MTRR: variants seen among roughly 807,000 people sequenced by gnomAD.
MTRR encodes the protein methionine synthase reductase.
Under a neutral mutation model 79.2 loss-of-function variants are expected in MTRR, and 63 were observed. The observed-to-expected ratio is 0.80, with a 90% confidence interval of 0.65 to 0.98. The LOEUF is 0.98. Among genes scored for constraint, MTRR ranks in the 50% least tolerant of loss-of-function variants. The pLI, the probability that MTRR is intolerant of heterozygous loss-of-function variation, is 0.00. For synonymous variants in MTRR, 355 were observed against 313.3 expected, an observed-to-expected ratio of 1.13 and a Z score of -1.41; for missense variants, 895 against 839.6, an observed-to-expected ratio of 1.07 and a Z score of -0.82.
upstream of MTRR, chr5:7,865,982 ACCTGAAACAGAAAGCATCCCAGTCATAGT>A: frequency 6.2e-7 from 1 of 1,613,256 alleles, no homozygotes; most frequent in Non-Finnish European, 8.5e-7. Flanking sequence ...GAGATTCTTT[ACCTGAAACAGAAAGCATCCCAGTCATAGT>A]TACGTCTGAA....
chr5:7,874,062 C>G (rs1292368706), intron 3 of MTRR, among the ~76,000 whole-genome samples: 1 of 152,146 alleles, frequency 6.6e-6, no homozygotes. Context: ...GCCCTGGCAT[C>G]GTTATTTTTA....
intron 3 of MTRR, 114 bp downstream of exon 3, chr5:7,873,640 A>G (rs1748391452): frequency 8.4e-7 from 1 of 1,192,400 alleles, no homozygotes; most frequent in East Asian, 2.5e-5. Context: ...TTCTTATGTA[A>G]ATATTATGTA....
At position 7,869,465 on chromosome 5, in the gene MTRR, C is replaced by T. The variant is rs75888760; in HGVS notation, c.-26+250C>T. 0.082 allele frequency: 44,568 copies of T among 543,192 alleles called. 2,659 individuals are homozygous for T. The highest frequency in any genetic ancestry group is 0.2 in the East Asian group (6,330 of 32,420). The allele number at this position is 543,192 out of a possible 1,614,324, so 33.6% of individuals were successfully genotyped here. A position where few individuals can be genotyped will look rare whatever the true frequency, so the allele number is the denominator to read the frequency against. ...TCTGCCGCGGGAGGCCCCTGGGCGGCGTGGGGTCTCTCCTCATGTTCTGCC... is the reference window on the plus strand; with the variant it reads ...TCTGCCGCGGGAGGCCCCTGGGCGGTGTGGGGTCTCTCCTCATGTTCTGCC... On this transcript the variant is annotated intron_variant, in intron 1 of 14. Transcript: ENST00000440940.
At chr5:7,875,608 G>GA (rs1734401761) in intron 4 of MTRR, among the ~76,000 whole-genome samples, 1 of 152,236 alleles carries the variant, frequency 6.6e-6, no homozygotes, top group African/African-American at 2.4e-5. Context: ...GCAAGAGTTA[G>GA]AAAAGGTGCT....
At position 7,885,921 on chromosome 5, in the gene MTRR, G is replaced by A. The variant is rs561877882; in HGVS notation, c.1057+67G>A. 80 of 1,604,376 alleles carry A rather than the reference G, an allele frequency of 5.0e-5. No individual in the cohort carries two copies. The East Asian group carries it at 1.8e-3, about 36-fold the overall frequency. ...GTGGACTGGAGCTGATGGTGAGAGT[G>A]TGGCTCTAAGGTTCAGGGTCCTGTG... On this transcript the variant is annotated intron_variant, in intron 7 of 14. Coordinates refer to ENST00000440940, the MANE Select transcript of MTRR (RefSeq NM_002454.3).
intron 5 of MTRR, 103 bp from the exon 6 acceptor site, chr5:7,883,052 G>A (rs1735826028): frequency 6.8e-7 from 1 of 1,466,964 alleles, no homozygotes; most frequent in Non-Finnish European, 9.5e-7. Flanking sequence ...ATACTGAGTA[G>A]CCAGGAAGTT....
intron 14 of MTRR, among the ~76,000 whole-genome samples, chr5:7,897,917 CT>C (rs79421232): frequency 1.0e-4 from 15 of 148,988 alleles, no homozygotes; most frequent in Admixed American, 2.7e-4. Flanking sequence ...AAGTCAGGTT[CT>C]TTTTTTTTTC....
intron 14 of MTRR, among the ~76,000 whole-genome samples, chr5:7,897,863 C>A (rs1738798943): frequency 6.6e-6 from 1 of 151,920 alleles, no homozygotes; most frequent in Admixed American, 6.6e-5. Context: ...GTAAGAAATT[C>A]ACTTTTTCAT....
At chr5:7,857,699 A>G (rs1254758367) in intron 1 of MTRR, among the ~76,000 whole-genome samples, 1 of 151,798 alleles carries the variant, frequency 6.6e-6, no homozygotes, top group Non-Finnish European at 1.5e-5. Context: ...CACTAATCTC[A>G]CCTGTTTCAA....
chr5:7,850,980 C>T, upstream of MTRR: 3 of 1,305,566 alleles, frequency 2.3e-6, no homozygotes, highest in Non-Finnish European at 1.9e-6. Flanking sequence ...TGGGCTTGCC[C>T]CGCAGCGTGG....
rs114427781 is a variant in MTRR at position 7,870,815 on chromosome 5, A to G, written c.21A>G (p.Leu7=). The G allele has an allele frequency of 5.9e-5, 96 of 1,614,188 alleles. 1 individual carries two copies. The East Asian group carries it at 1.9e-3, about 32-fold the overall frequency. Residue 7 remains leucine (L), a synonymous_variant, in exon 2 of 15, where the codon CTA becomes CTG. Coordinates refer to ENST00000440940, the MANE Select transcript of MTRR (RefSeq NM_002454.3). MRRFLL[L]YATQQGQAKA... Reference sequence around the variant, plus strand: ...AAGTGATGAGGAGGTTTCTGTTACTATATGCTACACAGCAGGGACAGGCAA... The same window carrying G: ...AAGTGATGAGGAGGTTTCTGTTACTGTATGCTACACAGCAGGGACAGGCAA...
intron 3 of MTRR, among the ~76,000 whole-genome samples, chr5:7,874,876 A>G (rs747797337): frequency 2.0e-5 from 3 of 152,184 alleles, no homozygotes; most frequent in Non-Finnish European, 2.9e-5. Flanking sequence ...TTGTCCCAGA[A>G]GCTATGGTTG....
At position 7,900,560 on chromosome 5, in the gene MTRR, A is replaced by G. The variant is rs1289299617; in HGVS notation, c.*502A>G. ...GAGCATATCTGTTATATGTTTATGT[A>G]ACTATCAAATGGTTATTTGTTACTA... On this transcript the variant is annotated 3_prime_UTR_variant, in exon 15 of 15. Transcript: ENST00000440940. 2 of 155,526 alleles carry G rather than the reference A, an allele frequency of 1.3e-5. No homozygotes were observed. Among genetic ancestry groups the G allele is most frequent in the African/African-American group, 4.8e-5 (2 of 41,476 alleles). 9.6% of individuals were successfully genotyped at this position (155,526 alleles called of 1,614,324 possible).
chr5:7,863,926 C>T (rs1746741469), intron 2 of MTRR, among the ~76,000 whole-genome samples: 1 of 152,180 alleles, frequency 6.6e-6, no homozygotes, highest in Admixed American at 6.5e-5. Flanking sequence ...CCTCGGCTCA[C>T]TGCAACCTCC....
intron 1 of MTRR, chr5:7,870,163 A>G (rs914734094): frequency 7.3e-6 from 5 of 686,630 alleles, no homozygotes; most frequent in South Asian, 6.4e-5. Context: ...CCGTTTGTAT[A>G]TATGCCCATA....
chr5:7,899,734 C>T (rs1194486942), intron 14 of MTRR, among the ~76,000 whole-genome samples, 180 bp from the exon 15 acceptor site: 1 of 152,136 alleles, frequency 6.6e-6, no homozygotes, highest in Non-Finnish European at 1.5e-5. Context: ...CTAGAACAGT[C>T]ACTGTAGGCA....
chr5:7,892,697 A>C (rs1579790717), intron 10 of MTRR, 30 bp from the exon 11 acceptor site: 1 of 1,611,120 alleles, frequency 6.2e-7, no homozygotes, highest in East Asian at 2.2e-5. Flanking sequence ...ACTGATATCG[A>C]GTTCAAAACT....
intron 1 of MTRR, chr5:7,870,389 G>C (rs1360574805): frequency 1.0e-5 from 3 of 293,438 alleles, no homozygotes; most frequent in Non-Finnish European, 2.0e-5. Flanking sequence ...GTTTTGTTCA[G>C]GTTCTTGGCT....
chr5:7,887,461 T>C (rs2126757680), intron 8 of MTRR, among the ~76,000 whole-genome samples: 1 of 151,510 alleles, frequency 6.6e-6, no homozygotes, highest in South Asian at 2.1e-4. Context: ...TTTCGTGTCG[T>C]TTTATTAATG....
Sources: gnomAD v4.1 joint callset for allele counts (sites outside exome capture counted in the v4.1 genomes callset) on GRCh38, gnomAD v4.1.1 for gene constraint, MANE v1.5 for transcripts, NCBI Gene and HGNC (gene_info 2026-07-23, HGNC 2026-07-21) for gene names.